The following NOVA1 variants were observed in gnomAD, a reference collection of about 807,000 sequenced individuals.
NOVA1 encodes RNA-binding protein Nova-1.
In NOVA1, 7 loss-of-function variants were observed where a neutral mutation model predicts 38.0. The ratio of observed to expected loss-of-function variants is 0.18; its 90% CI spans 0.10 to 0.35. The LOEUF is 0.35. Ranked by LOEUF, NOVA1 falls within the 10% of genes least tolerant of loss-of-function variation. The pLI is 1.00. For synonymous variants in NOVA1, 270 were observed against 232.5 expected, an observed-to-expected ratio of 1.16 and a Z score of -1.47; for missense variants, 460 against 616.0, an observed-to-expected ratio of 0.75 and a Z score of 2.68.
At chr14:26,565,557 G>A (rs1892085172) in intron 2 of NOVA1, among the ~76,000 whole-genome samples, 2 of 152,022 alleles carry the variant, frequency 1.3e-5, no homozygotes, top group South Asian at 2.1e-4. Context: ...CAAAAAATTC[G>A]GTGTGATATG....
At chr14:26,580,509 G>A (rs1441573073) in intron 2 of NOVA1, among the ~76,000 whole-genome samples, 1 of 151,884 alleles carries the variant, frequency 6.6e-6, no homozygotes, top group Non-Finnish European at 1.5e-5. Context: ...ATCTTCAGGG[G>A]TATTATAGAA....
At chr14:26,485,162 G>GA (rs1815050198) in intron 2 of NOVA1, among the ~76,000 whole-genome samples, 1 of 152,082 alleles carries the variant, frequency 6.6e-6, no homozygotes, top group Admixed American at 6.5e-5. Context: ...CCAGTGCCCA[G>GA]AAGAGTGCCT....
chr14:26,594,135 T>G (rs1176790690), intron 2 of NOVA1: 1 of 151,968 alleles, frequency 6.6e-6, no homozygotes, highest in African/African-American at 2.4e-5. Context: ...GAAAGCCATC[T>G]GCAAAACTAC....
intron 4 of NOVA1, among the ~76,000 whole-genome samples, chr14:26,456,123 G>A (rs1052736635): frequency 1.3e-5 from 2 of 151,866 alleles, no homozygotes; most frequent in East Asian, 1.9e-4. Flanking sequence ...AGCAAAAAAT[G>A]TATTCAACAT....
At chr14:26,475,352 A>C (rs1316042419) in intron 3 of NOVA1, among the ~76,000 whole-genome samples, 1 of 152,172 alleles carries the variant, frequency 6.6e-6, no homozygotes, top group East Asian at 1.9e-4. Flanking sequence ...ACATTTTATA[A>C]GCAAACTGTT....
chr14:26,522,853 G>GT, intron 2 of NOVA1, among the ~76,000 whole-genome samples: 1 of 152,064 alleles, frequency 6.6e-6, no homozygotes. Flanking sequence ...GATTTCACAA[G>GT]TTTCATAAAT....
rs551392229 is a variant in NOVA1 at position 26,583,068 on chromosome 14, A to G, written c.280+12342T>C. On this transcript the variant is annotated intron_variant, in intron 2 of 4. Transcript: ENST00000539517. ...TTGAGAGGAACATACCTTTCCTTAAACAGAATAGGTATACGCTTCAGAACA... is the reference window on the plus strand; with the variant it reads ...TTGAGAGGAACATACCTTTCCTTAAGCAGAATAGGTATACGCTTCAGAACA... Among the ~76,000 whole-genome samples, 13 of 151,914 alleles carry G rather than the reference A, an allele frequency of 8.6e-5. No homozygotes were observed. In the South Asian group the frequency reaches 1.2e-3, roughly 15 times the overall value.
intron 2 of NOVA1, among the ~76,000 whole-genome samples, chr14:26,493,054 C>T (rs1244790289): frequency 6.6e-6 from 1 of 152,160 alleles, no homozygotes; most frequent in African/African-American, 2.4e-5. Flanking sequence ...CTCAGAAATT[C>T]TGCAACTCAA....
intron 2 of NOVA1, among the ~76,000 whole-genome samples, chr14:26,594,861 A>C (rs1950409): frequency 0.23 from 34,615 of 151,992 alleles, 4,485 homozygotes; most frequent in East Asian, 0.34. Context: ...TAACAGTATA[A>C]ATTTCCTTAT....
intron 2 of NOVA1, among the ~76,000 whole-genome samples, chr14:26,542,456 T>C (rs1890521511): frequency 6.6e-6 from 1 of 152,046 alleles, no homozygotes; most frequent in African/African-American, 2.4e-5. Context: ...GACTGCATTA[T>C]TATTCTCTTG....
At chr14:26,462,338 G>T (rs1451307360) in intron 4 of NOVA1, among the ~76,000 whole-genome samples, 1 of 151,550 alleles carries the variant, frequency 6.6e-6, no homozygotes, top group African/African-American at 2.4e-5. Context: ...TCATGGTAAA[G>T]TCTCAATGAA....
intron 2 of NOVA1, among the ~76,000 whole-genome samples, chr14:26,555,855 A>G (rs747994750): frequency 3.3e-5 from 5 of 152,194 alleles, no homozygotes; most frequent in Non-Finnish European, 7.4e-5. Flanking sequence ...TATTGGGGCT[A>G]GTTCTAAGAC....
chr14:26,595,015 G>A (rs928607116), intron 2 of NOVA1, among the ~76,000 whole-genome samples: 1 of 152,066 alleles, frequency 6.6e-6, no homozygotes, highest in South Asian at 2.1e-4. Context: ...CATTCTTTAA[G>A]AAGCCTCCCT....
At chr14:26,596,679 C>CT (rs1894211619) in intron 1 of NOVA1, 2 of 1,288,930 alleles carry the variant, frequency 1.6e-6, no homozygotes, top group Non-Finnish European at 2.0e-6. Flanking sequence ...AGGATGTTAA[C>CT]TAACAAGTCA....
chr14:26,471,752 T>A (rs1255219956), intron 4 of NOVA1, among the ~76,000 whole-genome samples: 1 of 152,024 alleles, frequency 6.6e-6, no homozygotes, highest in East Asian at 1.9e-4. Flanking sequence ...TAGAATTTTT[T>A]AAAATACTAA....
chr14:26,490,896 C>G (rs1413294788), intron 2 of NOVA1, among the ~76,000 whole-genome samples: 2 of 131,726 alleles, frequency 1.5e-5, no homozygotes, highest in African/African-American at 5.7e-5. Flanking sequence ...GTCGCCCAGG[C>G]TGGAGTGCAG....
intron 2 of NOVA1, among the ~76,000 whole-genome samples, chr14:26,563,356 AG>A (rs143971305): frequency 0.04 from 6,111 of 151,622 alleles, 180 homozygotes; most frequent in South Asian, 0.096. Context: ...TAATGGGGGC[AG>A]GGGAAGTAAA....
intron 4 of NOVA1, among the ~76,000 whole-genome samples, chr14:26,449,716 T>C (rs1352333941): frequency 1.3e-5 from 2 of 152,160 alleles, no homozygotes; most frequent in Non-Finnish European, 2.9e-5. Context: ...AGTCTAATTA[T>C]TCGCTTTTTT....
At chr14:26,490,641 G>A (rs1245812209) in intron 2 of NOVA1, among the ~76,000 whole-genome samples, 4 of 152,056 alleles carry the variant, frequency 2.6e-5, no homozygotes, top group Admixed American at 2.6e-4. Flanking sequence ...TTTCTTTAGA[G>A]AAATATCTGT....
Sources: allele counts gnomAD v4.1 joint callset (sites outside exome capture counted in the v4.1 genomes callset), GRCh38; gene constraint gnomAD v4.1.1; transcripts MANE v1.5; gene names NCBI Gene and HGNC (gene_info 2026-07-23, HGNC 2026-07-21).